PSMF1: variants seen among roughly 807,000 people sequenced by gnomAD.
PSMF1 encodes proteasome inhibitor PI31 subunit.
In PSMF1, 30 loss-of-function variants were observed where a neutral mutation model predicts 29.3. The observed-to-expected ratio is 1.02, with a 90% CI of 0.77 to 1.39. The LOEUF (loss-of-function observed/expected upper bound fraction) is 1.39. Ranked by LOEUF, PSMF1 falls within the 40% of genes most tolerant of loss-of-function variation. The pLI, the probability that PSMF1 is intolerant of heterozygous loss-of-function variation, is 0.00. For synonymous variants in PSMF1, 134 were observed against 139.7 expected (o/e 0.96, Z 0.29); for missense variants, 344 against 357.5 (o/e 0.96, Z 0.31).
chr20:1,159,544 TG>T (rs2086640176), intron 4 of PSMF1, among the ~76,000 whole-genome samples: 1 of 152,216 alleles, frequency 6.6e-6, no homozygotes, highest in South Asian at 2.1e-4. Flanking sequence ...AAAATAGAGA[TG>T]GTTGCATATT....
chr20:1,125,864 T>C (rs1414809284), intron 2 of PSMF1: 4 of 720,106 alleles, frequency 5.6e-6, no homozygotes, highest in Non-Finnish European at 1.0e-5. Flanking sequence ...AAGGAGGGGC[T>C]TTCTGTCAAC....
rs954427416 is a variant in PSMF1, at chr20:1,170,204, C to T, written c.*5124C>T. Among the ~76,000 whole-genome samples the T allele has an allele frequency of 6.6e-6, 1 of 152,182 alleles. No homozygotes were observed. The highest frequency in any genetic ancestry group is 2.4e-5 in the African/African-American group (1 of 41,448). On this transcript the variant is annotated 3_prime_UTR_variant, in exon 7 of 7. Transcript: ENST00000335877. ...GCAGAATCTCAAGCCCCACCCCAGACATTGAATGAGAATCTGCATTTTAAC... is the reference window on the plus strand; with the variant it reads ...GCAGAATCTCAAGCCCCACCCCAGATATTGAATGAGAATCTGCATTTTAAC...
chr20:1,138,042 A>G (rs1057493687), intron 4 of PSMF1, among the ~76,000 whole-genome samples: 1 of 152,164 alleles, frequency 6.6e-6, no homozygotes, highest in African/African-American at 2.4e-5. Flanking sequence ...ATTTTTTGGT[A>G]TGTTAAAAAA....
chr20:1,163,018 G>C lies in PSMF1; in HGVS notation c.552-112G>C. On this transcript the variant is annotated intron_variant, in intron 4 of 6. Transcript: ENST00000335877. The surrounding 1 kb of genome is among the most constrained non-coding windows in gnomAD (Gnocchi z 6.1). Reference sequence around the variant, plus strand: ...AGGACCACCCTGAAATATCCCTTGTGCTATGGTCTCATGCAAGGGTTTCCC... The same window carrying C: ...AGGACCACCCTGAAATATCCCTTGTCCTATGGTCTCATGCAAGGGTTTCCC... 1 of 1,113,924 alleles carries C rather than the reference G, an allele frequency of 9.0e-7. No homozygotes were observed. Among genetic ancestry groups the C allele is most frequent in the Non-Finnish European group, 1.3e-6 (1 of 747,642 alleles). 69.0% of individuals were successfully genotyped at this position (1,113,924 alleles called of 1,614,324 possible). A position where few individuals can be genotyped will look rare whatever the true frequency, so the allele number is the denominator to read the frequency against.
At chr20:1,162,418 T>C (rs958825495) in intron 4 of PSMF1, among the ~76,000 whole-genome samples, 4 of 152,170 alleles carry the variant, frequency 2.6e-5, no homozygotes, top group Non-Finnish European at 5.9e-5. Flanking sequence ...AAAAGACATA[T>C]AAGACTTTTG....
chr20:1,147,139 A>T (rs1434660827), intron 4 of PSMF1, among the ~76,000 whole-genome samples: 1 of 90,676 alleles, frequency 1.1e-5, no homozygotes, highest in African/African-American at 3.9e-5. Flanking sequence ...TTCCGTTATC[A>T]TCATCATCAT....
chr20:1,124,011 C>T (rs980299996), intron 1 of PSMF1, among the ~76,000 whole-genome samples: 6 of 152,142 alleles, frequency 3.9e-5, no homozygotes, highest in Non-Finnish European at 8.8e-5. Flanking sequence ...TTTGGAGTTC[C>T]CAATTGTTAT....
chr20:1,161,560 C>T (rs780783208), intron 4 of PSMF1: 119 of 608,988 alleles, frequency 2.0e-4, no homozygotes, highest in South Asian at 3.0e-4. Flanking sequence ...TCAAGATCAT[C>T]GTGCTCCCAG....
chr20:1,140,015 T>C (rs1397674040), intron 4 of PSMF1, among the ~76,000 whole-genome samples: 2 of 152,160 alleles, frequency 1.3e-5, no homozygotes, highest in Non-Finnish European at 2.9e-5. Flanking sequence ...ATATTAGCCA[T>C]ACTCCCCACT....
At chr20:1,137,448 G>A (rs886196100) in intron 4 of PSMF1, among the ~76,000 whole-genome samples, 1 of 152,156 alleles carries the variant, frequency 6.6e-6, no homozygotes, top group Non-Finnish European at 1.5e-5. Flanking sequence ...CTAATATTAT[G>A]CAATAGTAAG....
At position 1,165,145 on chromosome 20, in the gene PSMF1, A is replaced by G. The variant is rs2086713568; in HGVS notation, c.*65A>G. 1.2e-6 allele frequency: 2 copies of G among 1,613,000 alleles called. No homozygotes were observed. Among genetic ancestry groups the G allele is most frequent in the Non-Finnish European group, 1.7e-6 (2 of 1,179,358 alleles). On this transcript the variant is annotated 3_prime_UTR_variant, in exon 7 of 7. Transcript: ENST00000335877. ...TCCTGGAGCTGCCACCGCTGTCCCC[A>G]TCAGCAACCATGTTCTTGCAGGCTG...
At chr20:1,131,209 G>A (rs979214546) in intron 3 of PSMF1, among the ~76,000 whole-genome samples, 1 of 152,252 alleles carries the variant, frequency 6.6e-6, no homozygotes, top group African/African-American at 2.4e-5. Flanking sequence ...GACAAAACCT[G>A]TGGAAGAACC....
chr20:1,115,710 C>T (rs1015849079), upstream of PSMF1, among the ~76,000 whole-genome samples: 3 of 150,674 alleles, frequency 2.0e-5, no homozygotes, highest in African/African-American at 7.3e-5. Context: ...TTTCCTTTTA[C>T]TGGAACACCT....
In PSMF1 at chr20:1,165,147, C is replaced by G. The variant is rs2086713607; in HGVS notation, c.*67C>G. On this transcript the variant is annotated 3_prime_UTR_variant, in exon 7 of 7. Transcript: ENST00000335877. The stretch of plus-strand genomic sequence containing the variant: ...CTGGAGCTGCCACCGCTGTCCCCAT[C>G]AGCAACCATGTTCTTGCAGGCTGGG... 6.2e-7 allele frequency: 1 copy of G among 1,612,990 alleles called. No individual in the cohort carries two copies. Among genetic ancestry groups the G allele is most frequent in the Non-Finnish European group, 8.5e-7 (1 of 1,179,316 alleles).
chr20:1,141,220 C>A (rs909820775), intron 4 of PSMF1, among the ~76,000 whole-genome samples: 7 of 152,178 alleles, frequency 4.6e-5, no homozygotes, highest in South Asian at 2.1e-4. Flanking sequence ...TACCAGGTTT[C>A]TTTTTGGGGT....
At chr20:1,123,592 A>G (rs534116417) in intron 1 of PSMF1, among the ~76,000 whole-genome samples, 1 of 152,310 alleles carries the variant, frequency 6.6e-6, no homozygotes, top group East Asian at 1.9e-4. Context: ...TCTGACTGCT[A>G]TATAGTATTC....
rs1293259260 is a variant in PSMF1, at chr20:1,122,000, C to CTTTGGG, written c.129+3098_129+3099insTTTGGG. ...GATTATGATGAAAGAGAGAAAATGC[C>CTTTGGG]CAAAATGATCTGTTTAAGTTTCTTT... is the stretch of plus-strand genomic sequence containing the variant. On this transcript the variant is annotated intron_variant, in intron 1 of 6. Transcript: ENST00000335877. 2.7e-4 allele frequency among the ~76,000 whole-genome samples: 41 copies of CTTTGGG among 152,238 alleles called. No homozygotes were observed. In the East Asian group the frequency reaches 7.7e-3, roughly 29 times the overall value.
At chr20:1,126,611 G>A (rs367601136) in intron 2 of PSMF1, among the ~76,000 whole-genome samples, 2 of 152,056 alleles carry the variant, frequency 1.3e-5, no homozygotes, top group Admixed American at 6.5e-5. Flanking sequence ...GCAGTGGCTC[G>A]CACCTGTAAT....
At position 1,171,549 on chromosome 20, in the gene PSMF1, C is replaced by T. The variant is rs2086790155; in HGVS notation, c.*6469C>T. 6.6e-6 allele frequency among the ~76,000 whole-genome samples: 1 copy of T among 152,214 alleles called. No individual in the cohort carries two copies. Among genetic ancestry groups the T allele is most frequent in the Non-Finnish European group, 1.5e-5 (1 of 68,038 alleles). ...AAGTCCAGGGCGTTTCCAGTAAGCACTGTCCAAATCAGTCATGGAGGTCCC... is the reference window on the plus strand; with the variant it reads ...AAGTCCAGGGCGTTTCCAGTAAGCATTGTCCAAATCAGTCATGGAGGTCCC... On this transcript the variant is annotated 3_prime_UTR_variant, in exon 7 of 7. Coordinates refer to ENST00000335877, the MANE Select transcript of PSMF1 (RefSeq NM_006814.5).
Sources: gnomAD v4.1 joint callset for allele counts (sites outside exome capture counted in the v4.1 genomes callset) on GRCh38, gnomAD v4.1.1 for gene constraint, Gnocchi (gnomAD v3.1) non-coding constraint, MANE v1.5 for transcripts, NCBI Gene and HGNC (gene_info 2026-07-23, HGNC 2026-07-21) for gene names.